FBXL20: variants seen among roughly 807,000 people sequenced by gnomAD.
FBXL20 encodes the protein F-box/LRR-repeat protein 20.
Under a neutral mutation model 64.0 loss-of-function variants are expected in FBXL20, and 11 were observed. The ratio of observed to expected loss-of-function variants is 0.17; its 90% CI spans 0.11 to 0.28. The LOEUF (loss-of-function observed/expected upper bound fraction) is 0.28, where lower values mean the gene tolerates loss of function less well. FBXL20 is among the 10% of genes least tolerant of loss of function. The pLI, the probability that FBXL20 is intolerant of heterozygous loss-of-function variation, is 1.00. For synonymous variants in FBXL20, 184 were observed against 189.0 expected (o/e 0.97, Z 0.22); for missense variants, 303 against 526.2 (o/e 0.58, Z 4.15).
At chr17:39,342,051 T>C (rs1489588127) in intron 2 of FBXL20, among the ~76,000 whole-genome samples, 4 of 152,152 alleles carry the variant, frequency 2.6e-5, no homozygotes, top group Non-Finnish European at 5.9e-5. Flanking sequence ...GGTCTTTGCA[T>C]GGTAGTCAGA....
At chr17:39,370,395 C>T (rs1000364725) in intron 1 of FBXL20, among the ~76,000 whole-genome samples, 16 of 151,660 alleles carry the variant, frequency 1.1e-4, no homozygotes, top group Admixed American at 6.6e-5. Flanking sequence ...GGGGTTGAGG[C>T]AGAAGCATCG....
chr17:39,304,996 A>G (rs2047169073), intron 2 of FBXL20, among the ~76,000 whole-genome samples: 1 of 152,108 alleles, frequency 6.6e-6, no homozygotes, highest in East Asian at 1.9e-4. Flanking sequence ...ATGTCAGGTT[A>G]TCCGCCCTGT....
intron 1 of FBXL20, among the ~76,000 whole-genome samples, chr17:39,388,725 AC>A (rs1452378598): frequency 6.7e-6 from 1 of 149,982 alleles, no homozygotes; most frequent in Non-Finnish European, 1.5e-5. Flanking sequence ...CTCGCGATCC[AC>A]CCACCTTGGC....
chr17:39,321,363 T>C (rs1415436226), intron 2 of FBXL20, among the ~76,000 whole-genome samples: 3 of 139,908 alleles, frequency 2.1e-5, no homozygotes, highest in Non-Finnish European at 4.7e-5. Context: ...GAGGCAGGAG[T>C]TGGAGGTTGA....
At chr17:39,380,805 G>A (rs150067057) in intron 1 of FBXL20, among the ~76,000 whole-genome samples, 3 of 152,270 alleles carry the variant, frequency 2.0e-5, no homozygotes, top group African/African-American at 7.2e-5. Flanking sequence ...CTGAATTAGT[G>A]ATGAGAAAAA....
rs1282702587 is a variant in FBXL20, at chr17:39,258,640, A to C, written c.*2820T>G. 6.6e-6 allele frequency: 1 copy of C among 152,254 alleles called. No homozygotes were observed. Among genetic ancestry groups the C allele is most frequent in the Non-Finnish European group, 1.5e-5 (1 of 68,048 alleles). 9.4% of individuals were successfully genotyped at this position (152,254 alleles called of 1,614,324 possible). A position where few individuals can be genotyped will look rare whatever the true frequency, so the allele number is the denominator to read the frequency against. On this transcript the variant is annotated 3_prime_UTR_variant, in exon 15 of 15. Coordinates refer to ENST00000264658, the MANE Select transcript of FBXL20 (RefSeq NM_032875.3). ...CATGAACTGATGAATAGAGTCTTTT[A>C]AACTTATCTTTTAAGTAAAGAAGTA...
At chr17:39,328,700 A>T (rs1028760242) in intron 2 of FBXL20, among the ~76,000 whole-genome samples, 9 of 152,242 alleles carry the variant, frequency 5.9e-5, no homozygotes, top group African/African-American at 1.9e-4. Context: ...TGCAATAGTA[A>T]TAACTGTTTC....
At chr17:39,346,906 T>A (rs1279008819) in intron 1 of FBXL20, among the ~76,000 whole-genome samples, 1 of 146,484 alleles carries the variant, frequency 6.8e-6, no homozygotes, top group African/African-American at 2.4e-5. Flanking sequence ...AGTGTTCTCA[T>A]TGTTCAATTC....
At chr17:39,332,271 C>A (rs569926726) in intron 2 of FBXL20, among the ~76,000 whole-genome samples, 7 of 152,178 alleles carry the variant, frequency 4.6e-5, no homozygotes, top group Non-Finnish European at 8.8e-5. Flanking sequence ...ACAGAGCAGG[C>A]CTAAGAATGC....
At position 39,259,388 on chromosome 17, in the gene FBXL20, C is replaced by T. The variant is rs1290222492; in HGVS notation, c.*2072G>A. On this transcript the variant is annotated 3_prime_UTR_variant, in exon 15 of 15. Transcript: ENST00000264658. ...AAGATTAATATTATGATGGATTGCA[C>T]ATTAATGTCTCAAAGGACACCCCCC... 6.6e-6 allele frequency: 1 copy of T among 152,146 alleles called. No individual in the cohort carries two copies. Among genetic ancestry groups the T allele is most frequent in the African/African-American group, 2.4e-5 (1 of 41,436 alleles). The allele number at this position is 152,146 out of a possible 1,614,324, so 9.4% of individuals were successfully genotyped here.
chr17:39,310,877 T>G (rs1216632069), intron 2 of FBXL20, among the ~76,000 whole-genome samples: 3 of 151,810 alleles, frequency 2.0e-5, no homozygotes, highest in Admixed American at 6.6e-5. Flanking sequence ...CTCAGCTACT[T>G]GGGAGGCTGA....
chr17:39,336,036 C>T (rs563790509), intron 2 of FBXL20, among the ~76,000 whole-genome samples: 106 of 151,690 alleles, frequency 7.0e-4, no homozygotes, highest in Non-Finnish European at 1.2e-3. Flanking sequence ...GAGGATCAAT[C>T]GTTTAGGCCC....
intron 2 of FBXL20, among the ~76,000 whole-genome samples, chr17:39,317,577 G>A (rs2047305467): frequency 6.6e-6 from 1 of 150,704 alleles, no homozygotes; most frequent in South Asian, 2.1e-4. Context: ...CAAATAATAT[G>A]GTGATTATAA....
intron 2 of FBXL20, among the ~76,000 whole-genome samples, chr17:39,334,819 G>A (rs1168214055): frequency 1.3e-5 from 2 of 152,230 alleles, no homozygotes; most frequent in Non-Finnish European, 2.9e-5. Flanking sequence ...GCTGGGCACA[G>A]TGGCTCATGC....
intron 6 of FBXL20, among the ~76,000 whole-genome samples, chr17:39,287,579 T>A (rs974720045): frequency 6.6e-6 from 1 of 152,012 alleles, no homozygotes; most frequent in Admixed American, 6.6e-5. Context: ...ATTAAAAAAA[T>A]TTTTTTGTAG....
chr17:39,324,464 AT>A (rs1229308266), intron 2 of FBXL20, among the ~76,000 whole-genome samples: 1 of 151,550 alleles, frequency 6.6e-6, no homozygotes, highest in Non-Finnish European at 1.5e-5. Context: ...AATTTTTTAC[AT>A]TTTTGGTAGA....
chr17:39,372,115 CT>C (rs1423065315), intron 1 of FBXL20, among the ~76,000 whole-genome samples: 1 of 152,098 alleles, frequency 6.6e-6, no homozygotes, highest in Non-Finnish European at 1.5e-5. Context: ...TTCTCTTTTC[CT>C]TTTTCCCATA....
chr17:39,277,628 C>T (rs1397080125), intron 9 of FBXL20, among the ~76,000 whole-genome samples: 4 of 151,728 alleles, frequency 2.6e-5, no homozygotes, highest in Admixed American at 2.6e-4. Context: ...GTGTCACGTG[C>T]CTGTAATCCC....
chr17:39,333,103 T>C (rs768352632), intron 2 of FBXL20, among the ~76,000 whole-genome samples: 3 of 152,182 alleles, frequency 2.0e-5, no homozygotes, highest in South Asian at 2.1e-4. Flanking sequence ...CCTGGCTCTC[T>C]ACTATTTTAG....
Sources: gnomAD v4.1 joint callset for allele counts (sites outside exome capture counted in the v4.1 genomes callset) on GRCh38, gnomAD v4.1.1 for gene constraint, MANE v1.5 for transcripts, NCBI Gene and HGNC (gene_info 2026-07-23, HGNC 2026-07-21) for gene names.